USP24: variants seen among roughly 807,000 people sequenced by gnomAD.
USP24 encodes the protein ubiquitin carboxyl-terminal hydrolase 24.
In USP24, 97 loss-of-function variants were observed where a neutral mutation model predicts 361.6. The observed-to-expected ratio is 0.27, with a 90% confidence interval of 0.23 to 0.32. The LOEUF (loss-of-function observed/expected upper bound fraction) is 0.32, where lower values mean the gene tolerates loss of function less well. Ranked by LOEUF, USP24 falls within the 10% of genes least tolerant of loss-of-function variation. The pLI, the probability that USP24 is intolerant of heterozygous loss-of-function variation, is 1.00. For missense variants in USP24, 2,353 were observed against 3,165.6 expected (o/e 0.74, Z 6.16); for synonymous variants, 1,098 against 1,124.6 (o/e 0.98, Z 0.47).
intron 3 of USP24, among the ~76,000 whole-genome samples, chr1:55,174,034 G>A (rs947225235): frequency 6.6e-6 from 1 of 152,210 alleles, no homozygotes; most frequent in African/African-American, 2.4e-5. Flanking sequence ...TGCACACAAG[G>A]TTTAAACATA....
chr1:55,169,079 AG>A (rs1163799752), intron 5 of USP24, among the ~76,000 whole-genome samples: 1 of 152,204 alleles, frequency 6.6e-6, no homozygotes, highest in Non-Finnish European at 1.5e-5. Context: ...TAAACAAATT[AG>A]GGCTTGAAAA....
chr1:55,121,913 A>C lies in USP24; in HGVS notation c.4277-407T>G, dbSNP rs149643372. On this transcript the variant is annotated intron_variant, in intron 36 of 67. Transcript: ENST00000294383. The stretch of plus-strand genomic sequence containing the variant: ...ATCTCTAAGTTAAACAATTCTAGGA[A>C]AATTAAACGAAATCAAACAGCTAAG... Among the ~76,000 whole-genome samples the C allele has an allele frequency of 4.6e-5, 7 of 152,330 alleles. 1 individual carries two copies. The East Asian group carries it at 1.4e-3, about 29-fold the overall frequency.
intron 12 of USP24, 74 bp downstream of exon 12, chr1:55,156,874 C>G: frequency 9.6e-7 from 1 of 1,044,936 alleles, no homozygotes; most frequent in Non-Finnish European, 1.5e-6. Context: ...TTTTCCTGCT[C>G]TCTCATCACC....
intron 3 of USP24, among the ~76,000 whole-genome samples, chr1:55,174,661 T>C (rs1649776706): frequency 6.6e-6 from 1 of 152,276 alleles, no homozygotes; most frequent in Admixed American, 6.5e-5. Flanking sequence ...CACGGATTTC[T>C]GGATCTGGAG....
At chr1:55,136,836 A>G (rs1646749564) in intron 28 of USP24, among the ~76,000 whole-genome samples, 1 of 152,178 alleles carries the variant, frequency 6.6e-6, no homozygotes, top group African/African-American at 2.4e-5. Flanking sequence ...TGGGGTGCCT[A>G]GTAGACACTT....
rs1229875267 is a variant in USP24, at chr1:55,068,049, TG to T, written c.*995del. The T allele has an allele frequency of 6.6e-6, 1 of 152,262 alleles. No homozygotes were observed. The highest frequency in any genetic ancestry group is 6.5e-5 in the Admixed American group (1 of 15,276). 9.4% of individuals were successfully genotyped at this position (152,262 alleles called of 1,614,324 possible). On this transcript the variant is annotated 3_prime_UTR_variant, in exon 68 of 68. Coordinates refer to ENST00000294383, the MANE Select transcript of USP24 (RefSeq NM_015306.3). Reference sequence around the variant, plus strand: ...CAATAACTATGAAACTCACAAGCAGTGTGTACCAACTCAAATAGTTAACTTC... The same window carrying T: ...CAATAACTATGAAACTCACAAGCAGTTGTACCAACTCAAATAGTTAACTTC...
At chr1:55,115,495 CAAAAAA>C (rs1165658382) in intron 38 of USP24, among the ~76,000 whole-genome samples, 4 of 45,844 alleles carry the variant, frequency 8.7e-5, no homozygotes, top group Non-Finnish European at 1.6e-4. Flanking sequence ...GACTCCGCCT[CAAAAAA>C]AAAAAAAAAA....
At chr1:55,203,377 C>T (rs1340010463) in intron 1 of USP24, among the ~76,000 whole-genome samples, 7 of 151,992 alleles carry the variant, frequency 4.6e-5, no homozygotes, top group Non-Finnish European at 1.0e-4. Flanking sequence ...AGCCAAGAGT[C>T]AAGGTCCTCC....
intron 10 of USP24, among the ~76,000 whole-genome samples, chr1:55,158,053 A>G (rs951512602): frequency 2.1e-4 from 32 of 152,222 alleles, no homozygotes; most frequent in African/African-American, 7.5e-4. Flanking sequence ...GATGTGAAAC[A>G]TCGGATCTAT....
intron 51 of USP24, 110 bp from the exon 52 acceptor site, chr1:55,094,197 T>A: frequency 9.2e-7 from 1 of 1,088,468 alleles, no homozygotes; most frequent in Non-Finnish European, 1.3e-6. Flanking sequence ...TTGATTATTA[T>A]ACATGTATCG....
In USP24 at chr1:55,111,576, A is replaced by G. The variant is rs1020182985; in HGVS notation, c.4509-1330T>C. On this transcript the variant is annotated intron_variant, in intron 38 of 67. Coordinates refer to ENST00000294383, the MANE Select transcript of USP24 (RefSeq NM_015306.3). ...TGGAATTCTAAAGTAAAAAGTATAC[A>G]AAGATAAAAGAAGAAATTTCTACAG... Among the ~76,000 whole-genome samples the G allele has an allele frequency of 3.3e-5, 5 of 152,254 alleles. No individual in the cohort carries two copies. The South Asian group carries it at 1.0e-3, about 31-fold the overall frequency.
Position 55,129,580 on chromosome 1 carries a change from G to T in USP24, c.3538-6C>A, listed in dbSNP as rs1448772610. The T allele has an allele frequency of 1.2e-6, 2 of 1,610,990 alleles. No homozygotes were observed. The highest frequency in any genetic ancestry group is 8.5e-7 in the Non-Finnish European group (1 of 1,177,634). Reference sequence around the variant, plus strand: ...ATGAGTTTGGAGCTTAGAACCTAGGGAACAGATAAGCACAATTATTCATCC... The same window carrying T: ...ATGAGTTTGGAGCTTAGAACCTAGGTAACAGATAAGCACAATTATTCATCC... On this transcript the variant is annotated splice_polypyrimidine_tract_variant and splice_region_variant and intron_variant, in intron 31 of 67. Transcript: ENST00000294383.
At chr1:55,191,272 A>G (rs1212478864) in intron 1 of USP24, among the ~76,000 whole-genome samples, 1 of 152,166 alleles carries the variant, frequency 6.6e-6, no homozygotes, top group Non-Finnish European at 1.5e-5. Flanking sequence ...TTGGATACAT[A>G]CTCATCTCTT....
At chr1:55,182,155 G>A (rs543785240) in intron 1 of USP24, among the ~76,000 whole-genome samples, 2 of 152,150 alleles carry the variant, frequency 1.3e-5, no homozygotes, top group Admixed American at 6.5e-5. Flanking sequence ...GGGTTCAAGC[G>A]ATTCTCCTGC....
At chr1:55,078,981 C>A (rs1645085732) in intron 60 of USP24, among the ~76,000 whole-genome samples, 3 of 144,304 alleles carry the variant, frequency 2.1e-5, no homozygotes, top group Admixed American at 1.4e-4. Context: ...TTAAATAGCA[C>A]AACACTGTTA....
intron 39 of USP24, among the ~76,000 whole-genome samples, chr1:55,108,572 A>G (rs774496212): frequency 2.0e-5 from 3 of 152,218 alleles, no homozygotes; most frequent in Non-Finnish European, 4.4e-5. Flanking sequence ...CTTACGGAAT[A>G]CACTCCAGAA....
chr1:55,203,716 T>G (rs1387937164), intron 1 of USP24, among the ~76,000 whole-genome samples: 1 of 152,190 alleles, frequency 6.6e-6, no homozygotes, highest in Non-Finnish European at 1.5e-5. Context: ...ACTTCAACCA[T>G]AAAAAGCTCA....
At position 55,159,594 on chromosome 1, in the gene USP24, C is replaced by A; in HGVS notation, c.1068+17G>T. ...CTAACTGGCACTGGGGCCTATCTGG[C>A]TGGAGAAGGCATTTACCTTGTCTTT... On this transcript the variant is annotated intron_variant, in intron 9 of 67. Transcript: ENST00000294383. 6.4e-7 allele frequency: 1 copy of A among 1,553,652 alleles called. No homozygotes were observed. Among genetic ancestry groups the A allele is most frequent in the Admixed American group, 1.9e-5 (1 of 51,410 alleles).
chr1:55,092,529 T>C (rs1030125189), intron 53 of USP24, among the ~76,000 whole-genome samples: 4 of 152,348 alleles, frequency 2.6e-5, no homozygotes, highest in Middle Eastern at 3.4e-3. Flanking sequence ...CCAATATCCA[T>C]TGACATGAGC....
Sources: allele counts gnomAD v4.1 joint callset (sites outside exome capture counted in the v4.1 genomes callset), GRCh38; gene constraint gnomAD v4.1.1; transcripts MANE v1.5; gene names NCBI Gene and HGNC (gene_info 2026-07-23, HGNC 2026-07-21).